CDK13: variants seen among roughly 807,000 people sequenced by gnomAD.
The protein encoded by CDK13 is cyclin-dependent kinase 13.
CDK13 carries 40 observed loss-of-function variants against 137.6 expected under a neutral mutation model. The observed-to-expected ratio is 0.29, with a 90% confidence interval of 0.23 to 0.38. The LOEUF is 0.38. Among genes scored for constraint, CDK13 ranks in the 10% least tolerant of loss-of-function variants. The pLI is 1.00. For synonymous variants in CDK13, 869 were observed against 760.1 expected (o/e 1.14, Z -2.36); for missense variants, 1,704 against 1,951.8 (o/e 0.87, Z 2.39).
intron 4 of CDK13, among the ~76,000 whole-genome samples, chr7:40,000,801 T>C (rs1414780712): frequency 6.6e-6 from 1 of 152,238 alleles, no homozygotes; most frequent in Non-Finnish European, 1.5e-5. Context: ...CTTCCTTCTT[T>C]TAGAAAATTT....
At chr7:40,025,863 C>T (rs1785232097) in intron 5 of CDK13, among the ~76,000 whole-genome samples, 1 of 152,148 alleles carries the variant, frequency 6.6e-6, no homozygotes, top group South Asian at 2.1e-4. Flanking sequence ...ATGCTTTATT[C>T]TCTCTTAGTT....
chr7:39,950,582 C>T lies in CDK13; in HGVS notation c.-60C>T, dbSNP rs1787116955. On this transcript the variant is annotated 5_prime_UTR_variant, in exon 1 of 14. Transcript: ENST00000181839. ...CTCCCGTTTCCGGCGGGGGAGATGGCCAGGATCTGACCCGGGAGGAGGCCG... is the reference window on the plus strand; with the variant it reads ...CTCCCGTTTCCGGCGGGGGAGATGGTCAGGATCTGACCCGGGAGGAGGCCG... 1 of 1,282,918 alleles carries T rather than the reference C, an allele frequency of 7.8e-7. No individual in the cohort carries two copies. The highest frequency in any genetic ancestry group is 3.1e-5 in the East Asian group (1 of 31,760). 79.5% of individuals were successfully genotyped at this position (1,282,918 alleles called of 1,614,324 possible).
chr7:40,029,977 T>C (rs1487011455), intron 5 of CDK13, among the ~76,000 whole-genome samples: 3 of 152,116 alleles, frequency 2.0e-5, no homozygotes, highest in African/African-American at 7.2e-5. Context: ...CTGTCTGAAG[T>C]AGTGGATAAG....
intron 5 of CDK13, among the ~76,000 whole-genome samples, chr7:40,021,643 T>G (rs1287327574): frequency 6.6e-6 from 1 of 152,126 alleles, no homozygotes; most frequent in African/African-American, 2.4e-5. Flanking sequence ...AAAAAAGTAG[T>G]GTTTTATTTA....
At chr7:39,995,417 A>G (rs1407618471) in intron 2 of CDK13, among the ~76,000 whole-genome samples, 1 of 152,184 alleles carries the variant, frequency 6.6e-6, no homozygotes, top group African/African-American at 2.4e-5. Flanking sequence ...GCCTATTTTC[A>G]GTTGGCATTC....
At chr7:40,035,695 TG>T (rs1473056343) in intron 5 of CDK13, among the ~76,000 whole-genome samples, 1 of 152,090 alleles carries the variant, frequency 6.6e-6, no homozygotes. Flanking sequence ...TTTCATTATA[TG>T]TTACAGTGTA....
chr7:40,064,957 ATTTTTTTTTTTTTTTTTTTTTTT>A (rs56710188), intron 9 of CDK13, among the ~76,000 whole-genome samples: 2 of 46,102 alleles, frequency 4.3e-5, no homozygotes, highest in Non-Finnish European at 7.9e-5. Flanking sequence ...ATGCTGGGTG[ATTTTTTTTTTTTTTTTTTTTTTT>A]TTTTTTTTTT....
intron 5 of CDK13, among the ~76,000 whole-genome samples, chr7:40,024,345 G>A (rs1785191524): frequency 6.6e-6 from 1 of 152,180 alleles, no homozygotes; most frequent in African/African-American, 2.4e-5. Context: ...TTGTGAAAGA[G>A]TAATCAGTAG....
At chr7:39,998,472 A>AAG (rs1784611629) in intron 3 of CDK13, 1 of 145,710 alleles carries the variant, frequency 6.9e-6, no homozygotes, top group African/African-American at 2.6e-5. Flanking sequence ...AAAAAAAAAA[A>AAG]GCCGGGTGTG....
At chr7:39,998,658 C>G (rs1311600871) in intron 3 of CDK13, 1 of 151,926 alleles carries the variant, frequency 6.6e-6, no homozygotes, top group Non-Finnish European at 1.5e-5. Flanking sequence ...AAAAAATACT[C>G]TCTTCTTGAG....
chr7:40,008,949 C>T (rs1784844565), intron 5 of CDK13, among the ~76,000 whole-genome samples: 1 of 152,052 alleles, frequency 6.6e-6, no homozygotes, highest in Non-Finnish European at 1.5e-5. Context: ...GATTCTGCCC[C>T]TTTGTTGGCA....
chr7:40,081,879 T>C (rs1786670363), intron 11 of CDK13, among the ~76,000 whole-genome samples: 1 of 152,162 alleles, frequency 6.6e-6, no homozygotes, highest in African/African-American at 2.4e-5. Context: ...CCCAAAGTGC[T>C]GGGATTACAG....
rs1166011031 is a variant in CDK13 at position 40,098,526 on chromosome 7, T to C, written c.*3546T>C. On this transcript the variant is annotated 3_prime_UTR_variant, in exon 14 of 14. Transcript: ENST00000181839. ...TCCCTGGGATATAATATCCTTTCAA[T>C]TTTTTTTTTTTTTTTGGCCCAGTCT... 8.7e-6 allele frequency: 1 copy of C among 114,972 alleles called. No homozygotes were observed. The highest frequency in any genetic ancestry group is 2.1e-4 in the East Asian group (1 of 4,814). The allele number at this position is 114,972 out of a possible 1,614,324, so 7.1% of individuals were successfully genotyped here.
rs184235852 is a variant in CDK13 at position 39,954,932 on chromosome 7, T to C, written c.1211+3080T>C. 7.2e-5 allele frequency among the ~76,000 whole-genome samples: 11 copies of C among 152,318 alleles called. No individual in the cohort carries two copies. The East Asian group carries it at 2.1e-3, about 29-fold the overall frequency. ...CCACCACATCCAGCCTGAAGCTTTTTTTGATGTCAGATAAATAAATCCTTT... is the reference window on the plus strand; with the variant it reads ...CCACCACATCCAGCCTGAAGCTTTTCTTGATGTCAGATAAATAAATCCTTT... On this transcript the variant is annotated intron_variant, in intron 1 of 13. Transcript: ENST00000181839.
At chr7:40,026,875 G>T (rs1785254348) in intron 5 of CDK13, among the ~76,000 whole-genome samples, 1 of 152,080 alleles carries the variant, frequency 6.6e-6, no homozygotes, top group African/African-American at 2.4e-5. Context: ...TAGCTTTTTT[G>T]AACAACAAAC....
intron 11 of CDK13, among the ~76,000 whole-genome samples, chr7:40,082,259 C>A (rs535110641): frequency 6.6e-6 from 1 of 151,726 alleles, no homozygotes; most frequent in Admixed American, 6.6e-5. Flanking sequence ...GAGGCCAAGG[C>A]GGATAGATCA....
chr7:40,012,795 C>T (rs958016919), intron 5 of CDK13, among the ~76,000 whole-genome samples: 1 of 151,616 alleles, frequency 6.6e-6, no homozygotes. Context: ...GCCTGTAATC[C>T]CAGCTACTTG....
At chr7:40,015,033 A>G (rs1784975807) in intron 5 of CDK13, among the ~76,000 whole-genome samples, 1 of 152,220 alleles carries the variant, frequency 6.6e-6, no homozygotes, top group African/African-American at 2.4e-5. Context: ...TAATCAAATA[A>G]TTAGTAGAAG....
chr7:40,003,206 A>ACACACACACACACACTCTCTCTCT (rs374470130), intron 5 of CDK13, among the ~76,000 whole-genome samples: 1 of 79,864 alleles, frequency 1.3e-5, no homozygotes, highest in African/African-American at 4.8e-5. Context: ...ACACACACAC[A>ACACACACACACACACTCTCTCTCT]CTCTCTCTCT....
Sources: gnomAD v4.1 joint callset for allele counts (sites outside exome capture counted in the v4.1 genomes callset) on GRCh38, gnomAD v4.1.1 for gene constraint, MANE v1.5 for transcripts, NCBI Gene and HGNC (gene_info 2026-07-23, HGNC 2026-07-21) for gene names.